Variants in CNTN5 observed in about 807,000 individuals in gnomAD.
CNTN5 encodes the protein contactin 5.
CNTN5 carries 77 observed loss-of-function variants against 129.1 expected under a neutral mutation model. The observed-to-expected ratio is 0.60, with a 90% CI of 0.50 to 0.72. The LOEUF (loss-of-function observed/expected upper bound fraction) is 0.72, where lower values mean the gene tolerates loss of function less well. Ranked by LOEUF, CNTN5 falls within the 30% of genes least tolerant of loss-of-function variation. The pLI, the probability that CNTN5 is intolerant of heterozygous loss-of-function variation, is 0.00. For synonymous variants in CNTN5, 509 were observed against 465.6 expected (o/e 1.09, Z -1.20); for missense variants, 1,478 against 1,328.8 (o/e 1.11, Z -1.75).
chr11:99,957,005 T>C lies in CNTN5; in HGVS notation c.873T>C (p.Asn291=). 6.2e-7 allele frequency: 1 copy of C among 1,613,256 alleles called. No individual in the cohort carries two copies. The highest frequency in any genetic ancestry group is 8.5e-7 in the Non-Finnish European group (1 of 1,179,492). The part of the protein sequence containing the change: ...LSPPTPLTLR[N]DGVMGEYEPK... ...CTCCAACGCCACTCACTCTGCGTAA[T>C]GATGGTAAGTTGCTTGGCCCGTTAA... The change falls in exon 8 of 25, where the codon AAT becomes AAC. Residue 291 remains asparagine, a synonymous_variant. Coordinates refer to ENST00000524871, the MANE Select transcript of CNTN5 (RefSeq NM_014361.4).
At chr11:99,474,534 A>G (rs908584578) in intron 2 of CNTN5, among the ~76,000 whole-genome samples, 1 of 152,148 alleles carries the variant, frequency 6.6e-6, no homozygotes, top group Admixed American at 6.6e-5. Context: ...TTGTCTTTTT[A>G]AAATTTGACA....
chr11:99,457,038 A>T (rs1041845919), intron 2 of CNTN5, among the ~76,000 whole-genome samples: 3 of 152,048 alleles, frequency 2.0e-5, no homozygotes, highest in Non-Finnish European at 4.4e-5. Context: ...TTAAACTCTA[A>T]TCAATTATGA....
At chr11:99,706,559 A>G (rs895605259) in intron 3 of CNTN5, among the ~76,000 whole-genome samples, 2 of 151,490 alleles carry the variant, frequency 1.3e-5, no homozygotes, top group Non-Finnish European at 3.0e-5. Flanking sequence ...AATAAGACCA[A>G]TTCCCTCTCA....
At chr11:99,827,358 G>T (rs1946995993) in intron 4 of CNTN5, among the ~76,000 whole-genome samples, 1 of 152,082 alleles carries the variant, frequency 6.6e-6, no homozygotes, top group African/African-American at 2.4e-5. Context: ...CAAAGTGCTG[G>T]GATTACAAGC....
chr11:99,158,152 C>T (rs1860425946), intron 1 of CNTN5, among the ~76,000 whole-genome samples: 1 of 152,140 alleles, frequency 6.6e-6, no homozygotes, highest in African/African-American at 2.4e-5. Flanking sequence ...CTGTCCACCT[C>T]ACCTCTCTCT....
rs570054685 is a variant in CNTN5, at chr11:99,819,201, T to C, written c.56-343T>C. ...CTGACAAAGTATAAAGCTTGGGCTT[T>C]TGACTGTCTTCCCTTCTTTCCTACT... On this transcript the variant is annotated intron_variant, in intron 3 of 24. Transcript: ENST00000524871. Among the ~76,000 whole-genome samples the C allele has an allele frequency of 4.0e-5, 6 of 148,860 alleles. No individual in the cohort carries two copies. In the East Asian group the frequency reaches 1.2e-3, roughly 30 times the overall value.
At chr11:99,913,705 T>C (rs913878306) in intron 6 of CNTN5, among the ~76,000 whole-genome samples, 4 of 152,134 alleles carry the variant, frequency 2.6e-5, no homozygotes, top group African/African-American at 9.7e-5. Flanking sequence ...AGGGCATGCC[T>C]GTACTTCAAT....
At chr11:99,608,007 A>G (rs1342289441) in intron 3 of CNTN5, among the ~76,000 whole-genome samples, 3 of 139,574 alleles carry the variant, frequency 2.1e-5, no homozygotes, top group Admixed American at 7.3e-5. Context: ...GCTAGATGAC[A>G]CATTAGTGGG....
chr11:99,103,110 A>G (rs143368591), intron 1 of CNTN5, among the ~76,000 whole-genome samples: 69 of 152,290 alleles, frequency 4.5e-4, no homozygotes, highest in African/African-American at 1.6e-3. Context: ...CTTATTCACT[A>G]CCATGAGACC....
At chr11:99,779,115 CAT>C (rs1293112904) in intron 3 of CNTN5, among the ~76,000 whole-genome samples, 1 of 151,614 alleles carries the variant, frequency 6.6e-6, no homozygotes, top group African/African-American at 2.4e-5. Context: ...ATTTTAATAT[CAT>C]ATTATGAATA....
At chr11:100,329,928 C>A (rs1472502377) in intron 21 of CNTN5, among the ~76,000 whole-genome samples, 1 of 152,132 alleles carries the variant, frequency 6.6e-6, no homozygotes, top group African/African-American at 2.4e-5. Context: ...TTCTTTAACA[C>A]CCCCAAAAGA....
intron 23 of CNTN5, among the ~76,000 whole-genome samples, chr11:100,346,547 A>G (rs1952285511): frequency 6.6e-6 from 1 of 152,124 alleles, no homozygotes; most frequent in South Asian, 2.1e-4. Context: ...ATCCCTTCAG[A>G]AAAGACACAA....
chr11:100,134,756 C>T (rs73000808), intron 13 of CNTN5, among the ~76,000 whole-genome samples: 2,179 of 152,218 alleles, frequency 0.014, 25 homozygotes, highest in Non-Finnish European at 0.022. Context: ...TTTCAAGATG[C>T]GGCAGAAATA....
chr11:100,119,878 T>TA (rs1482465102), intron 13 of CNTN5, among the ~76,000 whole-genome samples: 1 of 151,922 alleles, frequency 6.6e-6, no homozygotes, highest in Non-Finnish European at 1.5e-5. Flanking sequence ...ATTAGGCAAA[T>TA]AAAAAGAAAA....
At chr11:99,051,967 A>T (rs1364788071) in intron 1 of CNTN5, among the ~76,000 whole-genome samples, 1 of 151,858 alleles carries the variant, frequency 6.6e-6, no homozygotes, top group African/African-American at 2.4e-5. Context: ...TTAAAGGATG[A>T]ATTACATTTT....
chr11:99,895,932 A>G (rs1430775469), intron 6 of CNTN5, among the ~76,000 whole-genome samples: 1 of 152,154 alleles, frequency 6.6e-6, no homozygotes, highest in African/African-American at 2.4e-5. Context: ...GCTAGACTCC[A>G]TACTGCGTAA....
intron 2 of CNTN5, among the ~76,000 whole-genome samples, chr11:99,513,877 G>A (rs1309664670): frequency 1.3e-5 from 2 of 152,044 alleles, no homozygotes; most frequent in African/African-American, 4.8e-5. Context: ...CATGGATCAA[G>A]GAGTAATTTT....
intron 3 of CNTN5, among the ~76,000 whole-genome samples, chr11:99,661,781 G>C (rs1274839404): frequency 6.6e-6 from 1 of 152,072 alleles, no homozygotes; most frequent in Non-Finnish European, 1.5e-5. Context: ...GATTAGTTGA[G>C]ATTGGAACAC....
chr11:99,258,014 A>C (rs1228657929), intron 1 of CNTN5, among the ~76,000 whole-genome samples: 2 of 152,060 alleles, frequency 1.3e-5, no homozygotes, highest in Non-Finnish European at 2.9e-5. Flanking sequence ...CTTGTTCTTC[A>C]TGCTATATCA....
Sources: allele counts gnomAD v4.1 joint callset (sites outside exome capture counted in the v4.1 genomes callset), GRCh38; gene constraint gnomAD v4.1.1; transcripts MANE v1.5; gene names NCBI Gene and HGNC (gene_info 2026-07-23, HGNC 2026-07-21).